The following LRMDA variants were observed in gnomAD, a reference collection of about 807,000 sequenced individuals.
LRMDA encodes the protein leucine-rich melanocyte differentiation-associated protein.
In LRMDA, 18 loss-of-function variants were observed where a neutral mutation model predicts 29.8. That is an observed-to-expected ratio of 0.60 (90% CI 0.42 to 0.90). LRMDA has a LOEUF of 0.90. LRMDA is among the 40% of genes least tolerant of loss of function. The probability of loss-of-function intolerance (pLI) is 0.00; values close to 1 mark genes in which losing one functional copy is unlikely to be tolerated. For missense variants in LRMDA, 273 were observed against 273.9 expected (o/e 1.00, Z 0.02); for synonymous variants, 125 against 109.4 (o/e 1.14, Z -0.89).
chr10:75,752,139 G>A (rs549277154), intron 2 of LRMDA, among the ~76,000 whole-genome samples: 1 of 150,666 alleles, frequency 6.6e-6, no homozygotes, highest in South Asian at 2.1e-4. Flanking sequence ...GTGATACTTA[G>A]ACATATGATT....
intron 5 of LRMDA, among the ~76,000 whole-genome samples, chr10:76,127,482 T>C (rs1375708054): frequency 2.6e-5 from 4 of 152,164 alleles, no homozygotes; most frequent in African/African-American, 9.7e-5. Context: ...CTGAGCCTGT[T>C]CCCAAACCTA....
chr10:76,530,444 C>G (rs1007314653), intron 6 of LRMDA, among the ~76,000 whole-genome samples: 1 of 151,990 alleles, frequency 6.6e-6, no homozygotes, highest in Non-Finnish European at 1.5e-5. Context: ...TATAGGCAAT[C>G]TGTAAAAGGA....
At position 75,498,246 on chromosome 10, in the gene LRMDA, C is replaced by G. The variant is rs567775910; in HGVS notation, c.131+59752C>G. Among the ~76,000 whole-genome samples the G allele has an allele frequency of 1.5e-4, 23 of 152,278 alleles. No individual in the cohort carries two copies. In the South Asian group the frequency reaches 2.1e-3, roughly 14 times the overall value. ...ATGTGTGGGAATAGCTAGTCAAAAT[C>G]TTATGGGGCTATAAAACTTTCTGCA... On this transcript the variant is annotated intron_variant, in intron 2 of 6. Transcript: ENST00000611255.
At chr10:75,638,658 G>A (rs1165871754) in intron 2 of LRMDA, among the ~76,000 whole-genome samples, 1 of 152,204 alleles carries the variant, frequency 6.6e-6, no homozygotes, top group Non-Finnish European at 1.5e-5. Context: ...TGACCTTAGG[G>A]AAATTGCTTA....
chr10:76,427,561 A>G (rs1163577452), intron 6 of LRMDA, among the ~76,000 whole-genome samples: 1 of 152,152 alleles, frequency 6.6e-6, no homozygotes, highest in Admixed American at 6.5e-5. Context: ...AGGGACAATT[A>G]GACTTCCTCT....
chr10:75,564,521 G>T (rs780397832), intron 2 of LRMDA, among the ~76,000 whole-genome samples: 1 of 152,198 alleles, frequency 6.6e-6, no homozygotes, highest in African/African-American at 2.4e-5. Context: ...TTCAGCGCGC[G>T]CATGGTGCGC....
chr10:76,285,447 T>C (rs1840260455), intron 5 of LRMDA, among the ~76,000 whole-genome samples: 1 of 145,472 alleles, frequency 6.9e-6, no homozygotes, highest in South Asian at 2.2e-4. Context: ...AAAAAAAAAA[T>C]AGATGTAACC....
chr10:76,352,766 C>T (rs966229284), intron 6 of LRMDA, among the ~76,000 whole-genome samples: 3 of 151,760 alleles, frequency 2.0e-5, no homozygotes, highest in Admixed American at 1.3e-4. Context: ...AAAAATATAT[C>T]CCTGAAAGTA....
chr10:76,554,372 G>T (rs372855742), intron 6 of LRMDA, among the ~76,000 whole-genome samples: 1 of 152,160 alleles, frequency 6.6e-6, no homozygotes, highest in Non-Finnish European at 1.5e-5. Context: ...AGACTAGCTC[G>T]GCTCTTCACC....
chr10:75,863,898 A>AT (rs1445003404), intron 2 of LRMDA, among the ~76,000 whole-genome samples: 2 of 152,112 alleles, frequency 1.3e-5, no homozygotes, highest in Non-Finnish European at 2.9e-5. Context: ...CCCATATATT[A>AT]TTTTTTAATG....
In LRMDA at chr10:75,732,330, C is replaced by A. The variant is rs565458982; in HGVS notation, c.131+293836C>A. ...GGAAGACCAAACCATGGGTAGGAAT[C>A]CTGGGGCAAGGTTCGTGCTCTCCTC... is the stretch of plus-strand genomic sequence containing the variant. On this transcript the variant is annotated intron_variant, in intron 2 of 6. Coordinates refer to ENST00000611255, the MANE Select transcript of LRMDA (RefSeq NM_001305581.2). Among the ~76,000 whole-genome samples, 6 of 152,254 alleles carry A rather than the reference C, an allele frequency of 3.9e-5. No homozygotes were observed. The South Asian group carries it at 1.2e-3, about 32-fold the overall frequency.
At chr10:76,076,601 C>G (rs1038407036) in intron 5 of LRMDA, among the ~76,000 whole-genome samples, 1 of 152,018 alleles carries the variant, frequency 6.6e-6, no homozygotes, top group African/African-American at 2.4e-5. Flanking sequence ...TTGTGGGATT[C>G]ACTGACAATT....
intron 5 of LRMDA, among the ~76,000 whole-genome samples, chr10:76,176,282 A>G (rs562034612): frequency 6.6e-6 from 1 of 152,312 alleles, no homozygotes; most frequent in South Asian, 2.1e-4. Flanking sequence ...TTTCATATGC[A>G]ATTATGGCAG....
chr10:76,235,369 G>A (rs1204609452), intron 5 of LRMDA, among the ~76,000 whole-genome samples: 1 of 152,106 alleles, frequency 6.6e-6, no homozygotes, highest in Admixed American at 6.6e-5. Context: ...AGTTTGAAAT[G>A]TTACCCAAAT....
At chr10:75,578,833 G>A (rs371152246) in intron 2 of LRMDA, among the ~76,000 whole-genome samples, 34 of 135,496 alleles carry the variant, frequency 2.5e-4, no homozygotes, top group Admixed American at 2.9e-4. Context: ...GATGTTCTTT[G>A]AAAAAAAAAA....
chr10:76,147,610 C>T (rs1306084658), intron 5 of LRMDA, among the ~76,000 whole-genome samples: 2 of 151,922 alleles, frequency 1.3e-5, no homozygotes, highest in East Asian at 3.9e-4. Flanking sequence ...AAACTTTTAA[C>T]TTCTTTGCTA....
chr10:75,697,087 G>A (rs1319933212), intron 2 of LRMDA, among the ~76,000 whole-genome samples: 2 of 152,136 alleles, frequency 1.3e-5, no homozygotes, highest in Non-Finnish European at 2.9e-5. Context: ...ACATGTGGTG[G>A]CCATGAGGCA....
At chr10:75,937,540 C>T (rs1392096367) in intron 2 of LRMDA, among the ~76,000 whole-genome samples, 2 of 152,144 alleles carry the variant, frequency 1.3e-5, no homozygotes, top group African/African-American at 4.8e-5. Flanking sequence ...AACACTGCCC[C>T]CCGTAACTCA....
intron 2 of LRMDA, among the ~76,000 whole-genome samples, chr10:76,013,014 A>G (rs1364719006): frequency 6.6e-6 from 1 of 152,158 alleles, no homozygotes; most frequent in Non-Finnish European, 1.5e-5. Context: ...GAGGGGGAGA[A>G]GGGGGAGACA....
Sources: allele counts gnomAD v4.1 joint callset (sites outside exome capture counted in the v4.1 genomes callset), GRCh38; gene constraint gnomAD v4.1.1; transcripts MANE v1.5; gene names NCBI Gene and HGNC (gene_info 2026-07-23, HGNC 2026-07-21).